The following ZNF138 variants were observed in gnomAD, a reference collection of about 807,000 sequenced individuals.
ZNF138 encodes the protein zinc finger protein 138 (clone pHZ-32).
ZNF138 carries 33 observed loss-of-function variants against 33.0 expected under a neutral mutation model. The observed-to-expected ratio is 1.00, with a 90% CI of 0.76 to 1.34. ZNF138 has a LOEUF of 1.34. ZNF138 is among the 40% of genes most tolerant of loss of function. ZNF138 has a pLI of 0.00. For missense variants in ZNF138, 360 were observed against 370.8 expected (o/e 0.97, Z 0.24); for synonymous variants, 139 against 120.4 (o/e 1.15, Z -1.01).
chr7:64,799,139 T>C (rs1327687822), intron 1 of ZNF138, among the ~76,000 whole-genome samples: 1 of 152,140 alleles, frequency 6.6e-6, no homozygotes, highest in Non-Finnish European at 1.5e-5. Flanking sequence ...CTTAGGGCAG[T>C]ATGGCCATTT....
At chr7:64,853,400 T>C in the ZNF138 span, 2 of 1,137,956 alleles carry the variant, frequency 1.8e-6, no homozygotes, top group Non-Finnish European at 2.5e-6. Context: ...CTCCCTTCCC[T>C]CTGCGAGTTG....
rs138598648 is a variant in ZNF138, at chr7:64,800,438, A to G, written c.3+5867A>G. The stretch of plus-strand genomic sequence containing the variant: ...TTTGAAAGCTCCTGCATCTATTAAG[A>G]TAATCTTGCAGTTTTTATCTTTATT... On this transcript the variant is annotated intron_variant, in intron 1 of 3. Transcript: ENST00000307355. Among the ~76,000 whole-genome samples the G allele has an allele frequency of 1.4e-3, 214 of 152,330 alleles. 2 individuals carry two copies. The East Asian group carries it at 0.038, about 27-fold the overall frequency.
At chr7:64,852,803 A>G in the ZNF138 span, 1 of 847,092 alleles carries the variant, frequency 1.2e-6, no homozygotes, top group African/African-American at 1.7e-5. Flanking sequence ...GTCTGGCATG[A>G]TAAATTCACT....
chr7:64,830,112 T>A lies in ZNF138; in HGVS notation c.209-1339T>A, dbSNP rs572568384. On this transcript the variant is annotated intron_variant, in intron 3 of 3. Coordinates refer to ENST00000307355, the MANE Select transcript of ZNF138 (RefSeq NM_001271639.2). ...ACAGTTTTCTTCTGGCCTGCAAAACTTTCATGAAAAATTAACTGGTTATCT... is the reference window on the plus strand; with the variant it reads ...ACAGTTTTCTTCTGGCCTGCAAAACATTCATGAAAAATTAACTGGTTATCT... 1.7e-3 allele frequency among the ~76,000 whole-genome samples: 257 copies of A among 152,184 alleles called. 1 individual carries two copies. Among genetic ancestry groups the A allele is most frequent in the Non-Finnish European group, 3.0e-3 (207 of 67,994 alleles).
chr7:64,800,660 G>A (rs1471325933), intron 1 of ZNF138, among the ~76,000 whole-genome samples: 3 of 152,102 alleles, frequency 2.0e-5, no homozygotes, highest in African/African-American at 7.2e-5. Context: ...TTTTATATCT[G>A]TGTCAGGTTT....
chr7:64,804,736 G>A (rs551106715), intron 1 of ZNF138, among the ~76,000 whole-genome samples: 20 of 152,262 alleles, frequency 1.3e-4, no homozygotes, highest in South Asian at 8.3e-4. Context: ...AGCTGAGATC[G>A]TGCCACTGCA....
At chr7:64,834,500 T>C (rs1416787439), downstream of ZNF138, among the ~76,000 whole-genome samples, 1 of 152,236 alleles carries the variant, frequency 6.6e-6, no homozygotes, top group East Asian at 1.9e-4. Flanking sequence ...ACATTCAAAG[T>C]ATACTTTTTT....
rs142608284 is a variant in ZNF138 at position 64,818,836 on chromosome 7, C to G, written c.208+3183C>G. Among the ~76,000 whole-genome samples the G allele has an allele frequency of 3.7e-3, 565 of 152,150 alleles. 4 individuals carry two copies. Among genetic ancestry groups the G allele is most frequent in the African/African-American group, 0.013 (531 of 41,518 alleles). On this transcript the variant is annotated intron_variant, in intron 3 of 3. Transcript: ENST00000307355. ...CTGCATTTCCTCTGAAATTTTACTG[C>G]CATACAGTGGATGGCACTAATTCAA...
intron 3 of ZNF138, among the ~76,000 whole-genome samples, chr7:64,821,251 G>A (rs1484592374): frequency 8.0e-5 from 12 of 150,814 alleles, no homozygotes; most frequent in Admixed American, 1.3e-4. Flanking sequence ...CACCACGCCC[G>A]GCTAATTTTT....
chr7:64,827,242 A>G (rs899901804), intron 3 of ZNF138, among the ~76,000 whole-genome samples: 1 of 126,448 alleles, frequency 7.9e-6, no homozygotes, highest in Non-Finnish European at 1.6e-5. Context: ...GTGCTTGGCC[A>G]CCATGAAACT....
intron 3 of ZNF138, among the ~76,000 whole-genome samples, chr7:64,826,718 C>G (rs566147944): frequency 8.6e-5 from 13 of 152,020 alleles, no homozygotes; most frequent in African/African-American, 1.2e-4. Flanking sequence ...GGTGTTATCT[C>G]GGTTCACTGT....
chr7:64,798,727 G>A (rs113893719), intron 1 of ZNF138, among the ~76,000 whole-genome samples: 41,499 of 149,114 alleles, frequency 0.28, 7,018 homozygotes, highest in Middle Eastern at 0.38. Context: ...GTGGTGAGCC[G>A]AGATTGAGCC....
chr7:64,819,861 A>G (rs1316731000), intron 3 of ZNF138, among the ~76,000 whole-genome samples: 1 of 151,214 alleles, frequency 6.6e-6, no homozygotes, highest in Non-Finnish European at 1.5e-5. Context: ...TTACTTGAGC[A>G]TGAAAGTTTG....
intron 1 of ZNF138, among the ~76,000 whole-genome samples, chr7:64,805,840 G>C (rs1339824052): frequency 1.3e-5 from 2 of 152,188 alleles, no homozygotes; most frequent in African/African-American, 4.8e-5. Flanking sequence ...TTTGTCGTTG[G>C]TTATAACCAA....
At chr7:64,810,205 C>T (rs994074035) in intron 1 of ZNF138, among the ~76,000 whole-genome samples, 24 of 148,578 alleles carry the variant, frequency 1.6e-4, no homozygotes, top group Non-Finnish European at 2.8e-4. Context: ...TCTGCAATCC[C>T]GGCACCTTGG....
chr7:64,844,753 C>G, the ZNF138 span, among the ~76,000 whole-genome samples: 1 of 152,148 alleles, frequency 6.6e-6, no homozygotes, highest in Non-Finnish European at 1.5e-5. Context: ...CTGGCACAAT[C>G]TCTGCTCACT....
chr7:64,808,322 C>T (rs912162988), intron 1 of ZNF138, among the ~76,000 whole-genome samples: 2 of 152,050 alleles, frequency 1.3e-5, no homozygotes, highest in Non-Finnish European at 2.9e-5. Context: ...GTCTGGAGAC[C>T]CAAAGGGATA....
chr7:64,832,514 C>A lies in ZNF138; in HGVS notation c.*312C>A. The A allele has an allele frequency of 6.9e-6, 6 of 865,488 alleles. No individual in the cohort carries two copies. The highest frequency in any genetic ancestry group is 8.2e-6 in the Non-Finnish European group (5 of 609,922). The allele number at this position is 865,488 out of a possible 1,614,324, so 53.6% of individuals were successfully genotyped here. A position where few individuals can be genotyped will look rare whatever the true frequency, so the allele number is the denominator to read the frequency against. On this transcript the variant is annotated 3_prime_UTR_variant, in exon 4 of 4. Coordinates refer to ENST00000307355, the MANE Select transcript of ZNF138 (RefSeq NM_001271639.2). The stretch of plus-strand genomic sequence containing the variant: ...AGAAACCCCACAAATGTGGAGAATG[C>A]GGAAAAGCCTTTAACTGGTCCTCAA...
At chr7:64,825,728 C>T (rs1789551301) in intron 3 of ZNF138, among the ~76,000 whole-genome samples, 1 of 151,830 alleles carries the variant, frequency 6.6e-6, no homozygotes, top group African/African-American at 2.4e-5. Flanking sequence ...TCGGTAGAGA[C>T]AGGGTTTCAC....
Sources: allele counts gnomAD v4.1 joint callset (sites outside exome capture counted in the v4.1 genomes callset), GRCh38; gene constraint gnomAD v4.1.1; transcripts MANE v1.5; gene names NCBI Gene and HGNC (gene_info 2026-07-23, HGNC 2026-07-21).